The following SIPA1L2 variants were observed in gnomAD, a reference collection of about 807,000 sequenced individuals.
SIPA1L2 encodes the protein signal-induced proliferation-associated 1-like protein 2.
SIPA1L2 carries 56 observed loss-of-function variants against 163.9 expected under a neutral mutation model. The observed-to-expected ratio is 0.34, with a 90% CI of 0.28 to 0.43. The LOEUF (loss-of-function observed/expected upper bound fraction) is 0.43, where lower values mean the gene tolerates loss of function less well. SIPA1L2 is among the 20% of genes least tolerant of loss of function. The pLI is 1.00. For synonymous variants in SIPA1L2, 877 were observed against 865.7 expected, an observed-to-expected ratio of 1.01 and a Z score of -0.23; for missense variants, 1,974 against 2,193.5, an observed-to-expected ratio of 0.90 and a Z score of 2.00.
At chr1:232,415,108 C>T (rs3820115) in intron 19 of SIPA1L2, among the ~76,000 whole-genome samples, 7,296 of 152,308 alleles carry the variant, frequency 0.048, 274 homozygotes, top group Admixed American at 0.12. Context: ...CGGCGAAGCC[C>T]AGCAGCTCCC....
intron 1 of SIPA1L2, among the ~76,000 whole-genome samples, chr1:232,610,477 G>T (rs17193226): frequency 0.17 from 25,127 of 152,230 alleles, 2,488 homozygotes; most frequent in Middle Eastern, 0.3. Flanking sequence ...GATGTAAAGA[G>T]GGAAATGTGC....
In SIPA1L2 at chr1:232,428,398, C is replaced by G; in HGVS notation, c.4410+13G>C. ...GTGTTTCTGGTAACTTCAAAGCTCC[C>G]TAAGTCACTAACCTTTCTTCGCCCC... On this transcript the variant is annotated intron_variant, in intron 17 of 22. Coordinates refer to ENST00000674635, the MANE Select transcript of SIPA1L2 (RefSeq NM_020808.5). The G allele has an allele frequency of 6.9e-7, 1 of 1,444,004 alleles. No homozygotes were observed. The highest frequency in any genetic ancestry group is 1.5e-5 in the African/African-American group (1 of 66,448). The allele number at this position is 1,444,004 out of a possible 1,614,324, so 89.4% of individuals were successfully genotyped here.
chr1:232,429,075 T>A (rs1324165323), intron 16 of SIPA1L2, among the ~76,000 whole-genome samples: 1 of 152,104 alleles, frequency 6.6e-6, no homozygotes, highest in African/African-American at 2.4e-5. Context: ...CACAAAGCTG[T>A]TTGGATAAAG....
intron 1 of SIPA1L2, among the ~76,000 whole-genome samples, chr1:232,611,787 C>T (rs915186600): frequency 2.6e-5 from 4 of 152,142 alleles, no homozygotes; most frequent in Non-Finnish European, 5.9e-5. Context: ...GAAAAGAAAT[C>T]CTATTTTCTG....
At chr1:232,491,197 G>A in intron 4 of SIPA1L2, 135 bp from the exon 5 acceptor site, 1 of 723,102 alleles carries the variant, frequency 1.4e-6, no homozygotes, top group Non-Finnish European at 2.2e-6. Flanking sequence ...GGGCGACAGT[G>A]TTCCATTTAA....
rs557134524 is a variant in SIPA1L2 at position 232,613,875 on chromosome 1, T to G, written c.-319+15994A>C. On this transcript the variant is annotated intron_variant, in intron 1 of 22. Coordinates refer to ENST00000674635, the MANE Select transcript of SIPA1L2 (RefSeq NM_020808.5). The stretch of plus-strand genomic sequence containing the variant: ...TAGGATGGGTTTGAACACAAAAATG[T>G]AAGAATCGCCCACAGGATTTGAAGC... Among the ~76,000 whole-genome samples, 47 of 152,282 alleles carry G rather than the reference T, an allele frequency of 3.1e-4. No individual in the cohort carries two copies. The East Asian group carries it at 8.9e-3, about 29-fold the overall frequency.
chr1:232,505,044 T>C (rs1265543795), intron 3 of SIPA1L2, among the ~76,000 whole-genome samples: 1 of 152,134 alleles, frequency 6.6e-6, no homozygotes, highest in Non-Finnish European at 1.5e-5. Flanking sequence ...AAACGGTATC[T>C]TGAAAAACAT....
chr1:232,622,410 C>T (rs915821840), intron 1 of SIPA1L2, among the ~76,000 whole-genome samples: 1 of 152,168 alleles, frequency 6.6e-6, no homozygotes, highest in Admixed American at 6.5e-5. Flanking sequence ...GAAATGAACC[C>T]TGCTAATGGA....
At chr1:232,584,910 A>T (rs1660575868) in intron 1 of SIPA1L2, among the ~76,000 whole-genome samples, 1 of 152,258 alleles carries the variant, frequency 6.6e-6, no homozygotes, top group African/African-American at 2.4e-5. Context: ...AAGGTTATAT[A>T]ACTATGTTGC....
intron 10 of SIPA1L2, among the ~76,000 whole-genome samples, chr1:232,449,166 A>T (rs567494935): frequency 6.6e-6 from 1 of 152,304 alleles, no homozygotes; most frequent in South Asian, 2.1e-4. Flanking sequence ...ACACTAAAAA[A>T]TCCAGTAAGA....
rs55961523 is a variant in SIPA1L2, at chr1:232,424,322, C to CAA, written c.4630+1265_4630+1266dup. 5.2e-3 allele frequency among the ~76,000 whole-genome samples: 373 copies of CAA among 71,720 alleles called. 53 individuals are homozygous for CAA. The highest frequency in any genetic ancestry group is 0.028 in the East Asian group (65 of 2,310). The allele number at this position is 71,720 out of a possible 152,430, so 47.1% of individuals were successfully genotyped here. A position where few individuals can be genotyped will look rare whatever the true frequency, so the allele number is the denominator to read the frequency against. ...TCTATTTTTTTTTAAGTGAAGCTAA[C>CAA]AAAAAAAAAAAAAAAAAAAAAAAAA... On this transcript the variant is annotated intron_variant, in intron 18 of 22. Coordinates refer to ENST00000674635, the MANE Select transcript of SIPA1L2 (RefSeq NM_020808.5).
intron 1 of SIPA1L2, among the ~76,000 whole-genome samples, chr1:232,594,602 G>C (rs1479553191): frequency 1.3e-5 from 2 of 152,158 alleles, no homozygotes; most frequent in East Asian, 1.9e-4. Context: ...GTGCTTAAGG[G>C]AGTCAATTTC....
At chr1:232,486,029 C>G (rs1665629864) in intron 5 of SIPA1L2, among the ~76,000 whole-genome samples, 1 of 152,172 alleles carries the variant, frequency 6.6e-6, no homozygotes, top group Non-Finnish European at 1.5e-5. Context: ...TGCCATGTGC[C>G]ACATCATCTG....
At chr1:232,567,726 T>C (rs896565900) in intron 2 of SIPA1L2, among the ~76,000 whole-genome samples, 4 of 152,170 alleles carry the variant, frequency 2.6e-5, no homozygotes, top group Non-Finnish European at 4.4e-5. Context: ...TCCAGTGACA[T>C]CTTTTTGTAT....
chr1:232,552,256 A>C (rs1658437331), intron 2 of SIPA1L2, among the ~76,000 whole-genome samples: 1 of 152,122 alleles, frequency 6.6e-6, no homozygotes, highest in South Asian at 2.1e-4. Context: ...ACTGATAACA[A>C]TATGCTTATA....
chr1:232,445,605 G>A lies in SIPA1L2; in HGVS notation c.3277C>T (p.Gln1093Ter). Residue 1093 changes from glutamine (Q) to a stop codon, truncating the protein, a stop_gained, in exon 11 of 23, where the codon CAA becomes TAA. Transcript: ENST00000674635. LOFTEE classifies it high-confidence loss of function. The stretch of plus-strand genomic sequence containing the variant: ...GCCTGGGCCTGCTGGAGCAGCTGTT[G>A]GCACGGCAGCCGGTCGGGCGTGCCG... ...IPGTPDRLPC[Q>*]QLLQQAQAAI... 1.2e-6 allele frequency: 2 copies of A among 1,613,816 alleles called. No homozygotes were observed. Among genetic ancestry groups the A allele is most frequent in the Non-Finnish European group, 1.7e-6 (2 of 1,180,002 alleles).
intron 10 of SIPA1L2, among the ~76,000 whole-genome samples, chr1:232,457,585 G>A (rs1663996265): frequency 6.6e-6 from 1 of 152,162 alleles, no homozygotes; most frequent in Non-Finnish European, 1.5e-5. Flanking sequence ...TTTCCATGCT[G>A]CAAGTCAAAT....
At chr1:232,592,810 A>AG (rs5781707) in intron 1 of SIPA1L2, among the ~76,000 whole-genome samples, 2 of 21,038 alleles carry the variant, frequency 9.5e-5, no homozygotes, top group Admixed American at 9.7e-4. Flanking sequence ...TGTTCACAGG[A>AG]AAAAAAAAAA....
chr1:232,587,553 G>C (rs1441018144), intron 1 of SIPA1L2, among the ~76,000 whole-genome samples: 1 of 152,090 alleles, frequency 6.6e-6, no homozygotes, highest in Non-Finnish European at 1.5e-5. Context: ...AACAGTACAA[G>C]AGCAACAGCA....
Sources: gnomAD v4.1 joint callset for allele counts (sites outside exome capture counted in the v4.1 genomes callset) on GRCh38, gnomAD v4.1.1 for gene constraint, MANE v1.5 for transcripts, NCBI Gene and HGNC (gene_info 2026-07-23, HGNC 2026-07-21) for gene names.